Variants in C4orf51 observed in about 807,000 individuals in gnomAD.
C4orf51 encodes chromosome 4 open reading frame 51, also known as uncharacterized protein C4orf51.
Under a neutral mutation model 25.2 loss-of-function variants are expected in C4orf51, and 25 were observed. The ratio of observed to expected loss-of-function variants is 0.99; its 90% CI spans 0.72 to 1.39. The LOEUF (loss-of-function observed/expected upper bound fraction) is 1.39. Among genes scored for constraint, C4orf51 ranks in the 40% most tolerant of loss-of-function variants. The pLI is 0.00. For missense variants in C4orf51, 252 were observed against 239.6 expected (o/e 1.05, Z -0.34); for synonymous variants, 100 against 84.5 (o/e 1.18, Z -1.01).
downstream of C4orf51, chr4:145,774,689 A>C: frequency 1.9e-6 from 3 of 1,609,794 alleles, no homozygotes; most frequent in Non-Finnish European, 2.5e-6. Context: ...GAAAGGGTAA[A>C]AGAAAAGAGG....
At chr4:145,716,217 A>G (rs1263535671) in intron 2 of C4orf51, among the ~76,000 whole-genome samples, 1 of 152,156 alleles carries the variant, frequency 6.6e-6, no homozygotes, top group East Asian at 1.9e-4. Context: ...GCTGTTCTGC[A>G]GGTAGACCTT....
chr4:145,698,010 A>G (rs1730180764), intron 2 of C4orf51, among the ~76,000 whole-genome samples: 1 of 152,176 alleles, frequency 6.6e-6, no homozygotes, highest in Non-Finnish European at 1.5e-5. Context: ...CTTTTTGATA[A>G]TAGCCATTCT....
At chr4:145,702,158 A>C (rs1560832247) in intron 2 of C4orf51, among the ~76,000 whole-genome samples, 1 of 152,084 alleles carries the variant, frequency 6.6e-6, no homozygotes, top group African/African-American at 2.4e-5. Context: ...TAAAACCTAT[A>C]AACTCTCCTT....
chr4:145,690,025 T>C (rs1047505471), intron 1 of C4orf51, among the ~76,000 whole-genome samples: 22 of 151,028 alleles, frequency 1.5e-4, no homozygotes, highest in African/African-American at 5.4e-4. Flanking sequence ...GCTAACATGG[T>C]GAAACCCCAT....
intron 2 of C4orf51, among the ~76,000 whole-genome samples, chr4:145,710,389 G>T (rs1202869986): frequency 1.3e-5 from 2 of 152,156 alleles, no homozygotes; most frequent in Admixed American, 6.5e-5. Context: ...TTATATGTTG[G>T]CCTGCTTCTG....
At chr4:145,776,592 G>C in the C4orf51 span, among the ~76,000 whole-genome samples, 1 of 151,916 alleles carries the variant, frequency 6.6e-6, no homozygotes, top group Non-Finnish European at 1.5e-5. Context: ...TTCTGTGAGT[G>C]AGCAAGTGTG....
intron 5 of C4orf51, 142 bp from the exon 6 acceptor site, chr4:145,732,310 GA>G (rs1197605650): frequency 1.7e-6 from 1 of 590,722 alleles, no homozygotes; most frequent in Non-Finnish European, 3.1e-6. Context: ...AAGGTTAAGA[GA>G]GATGGAAGAA....
chr4:145,728,150 G>A (rs936651149), intron 3 of C4orf51, among the ~76,000 whole-genome samples: 1 of 149,640 alleles, frequency 6.7e-6, no homozygotes, highest in African/African-American at 2.5e-5. Context: ...ATACGTTTTT[G>A]TAGCTGTAAA....
the C4orf51 span, chr4:145,779,515 G>A: frequency 6.2e-7 from 1 of 1,611,644 alleles, no homozygotes; most frequent in Non-Finnish European, 8.5e-7. Context: ...TCTGTTTCTG[G>A]GTCAAAAGAA....
chr4:145,759,941 T>G (rs1734268842), intron 1 of C4orf51: 1 of 152,244 alleles, frequency 6.6e-6, no homozygotes, highest in African/African-American at 2.4e-5. Context: ...GCACTGTGTG[T>G]GTGCACCGTA....
intron 2 of C4orf51, among the ~76,000 whole-genome samples, chr4:145,713,352 A>C (rs1731233742): frequency 6.6e-6 from 1 of 152,258 alleles, no homozygotes; most frequent in South Asian, 2.1e-4. Flanking sequence ...GATGCCATTA[A>C]GAATATTTGT....
intron 2 of C4orf51, among the ~76,000 whole-genome samples, chr4:145,724,755 A>G (rs4835252): frequency 0.38 from 57,060 of 151,314 alleles, 11,607 homozygotes; most frequent in African/African-American, 0.53. Flanking sequence ...GTGGTGGCAC[A>G]TGCCTGTAGT....
chr4:145,770,601 T>C (rs1214864708), intron 1 of C4orf51, among the ~76,000 whole-genome samples: 1 of 151,760 alleles, frequency 6.6e-6, no homozygotes, highest in African/African-American at 2.4e-5. Context: ...TAATAAAATA[T>C]AATAATAATG....
intron 1 of C4orf51, among the ~76,000 whole-genome samples, chr4:145,745,126 T>C (rs182293565): frequency 6.6e-6 from 1 of 152,334 alleles, no homozygotes; most frequent in East Asian, 1.9e-4. Context: ...ATGGGGTAGA[T>C]GAGATAATTT....
At chr4:145,778,283 A>G in the C4orf51 span, among the ~76,000 whole-genome samples, 212 of 152,170 alleles carry the variant, frequency 1.4e-3, 1 homozygote, top group African/African-American at 4.8e-3. Context: ...ACAAGCGTGC[A>G]CCACCACATC....
intron 1 of C4orf51, among the ~76,000 whole-genome samples, chr4:145,683,484 A>G (rs1036122209): frequency 2.6e-5 from 4 of 152,238 alleles, no homozygotes; most frequent in African/African-American, 9.6e-5. Context: ...GAGGACTGAC[A>G]CTACCCAACT....
intron 1 of C4orf51, chr4:145,760,746 T>G: frequency 2.1e-6 from 2 of 944,440 alleles, no homozygotes; most frequent in Non-Finnish European, 2.6e-6. Context: ...TTGTCTTTTG[T>G]CTCTCTGTTT....
At chr4:145,760,891 A>C in intron 1 of C4orf51, 3 of 1,230,442 alleles carry the variant, frequency 2.4e-6, no homozygotes, top group Non-Finnish European at 3.1e-6. Context: ...TGTGAGATCC[A>C]AGTGGTTCTT....
Position 145,699,760 on chromosome 4 carries a change from G to C in C4orf51, c.307+3128G>C, listed in dbSNP as rs562773469. ...GCTTTTCTGGGGAAGGGGCAAGTAC[G>C]CCAACACCTTCTCTCCTTGTCTCTA... is the stretch of plus-strand genomic sequence containing the variant. On this transcript the variant is annotated intron_variant, in intron 2 of 5. Transcript: ENST00000438731. Among the ~76,000 whole-genome samples the C allele has an allele frequency of 1.2e-3, 175 of 150,084 alleles. 7 individuals carry two copies. In the South Asian group the frequency reaches 0.035, roughly 30 times the overall value.
Sources: gnomAD v4.1 joint callset for allele counts (sites outside exome capture counted in the v4.1 genomes callset) on GRCh38, gnomAD v4.1.1 for gene constraint, MANE v1.5 for transcripts, NCBI Gene and HGNC (gene_info 2026-07-23, HGNC 2026-07-21) for gene names.